The following PCDHGC3 variants were observed in gnomAD, a reference collection of about 807,000 sequenced individuals.
The protein encoded by PCDHGC3 is protocadherin gamma subfamily C, 3, also known as protocadherin gamma-C3.
In PCDHGC3, 26 loss-of-function variants were observed where a neutral mutation model predicts 59.2. That is an observed-to-expected ratio of 0.44 (90% CI 0.32 to 0.61). The LOEUF is 0.61. PCDHGC3 is among the 20% of genes least tolerant of loss of function. The pLI is 0.05. For synonymous variants in PCDHGC3, 487 were observed against 519.7 expected (o/e 0.94, Z 0.86); for missense variants, 1,080 against 1,221.8 (o/e 0.88, Z 1.73).
In PCDHGC3 at chr5:141,511,555, C is replaced by T; in HGVS notation, c.*382C>T. 1 of 305,302 alleles carries T rather than the reference C, an allele frequency of 3.3e-6. No individual in the cohort carries two copies. Among genetic ancestry groups the T allele is most frequent in the South Asian group, 3.6e-5 (1 of 28,078 alleles). 18.9% of individuals were successfully genotyped at this position (305,302 alleles called of 1,614,324 possible). ...CCTCCCCACCCCACTCCAACAGTTC[C>T]TCTTTCCCGAGTAAGGTGGTTGGGG... On this transcript the variant is annotated 3_prime_UTR_variant, in exon 4 of 4. Coordinates refer to ENST00000308177, the MANE Select transcript of PCDHGC3 (RefSeq NM_002588.4).
At chr5:141,484,916 CCTG>C (rs34524370) in intron 1 of PCDHGC3, 64,782 of 456,708 alleles carry the variant, frequency 0.14, 4,878 homozygotes, top group African/African-American at 0.18. Context: ...ACGCATTAAC[CCTG>C]CTGCTGTTGG....
At chr5:141,498,338 G>A (rs2237079) in intron 2 of PCDHGC3, among the ~76,000 whole-genome samples, 68,665 of 151,630 alleles carry the variant, frequency 0.45, 15,766 homozygotes, top group Admixed American at 0.55. Flanking sequence ...CATTCCAAAT[G>A]GGAAAAGCCT....
chr5:141,481,445 T>C (rs760413279), intron 1 of PCDHGC3, among the ~76,000 whole-genome samples: 2 of 152,260 alleles, frequency 1.3e-5, no homozygotes, highest in Non-Finnish European at 2.9e-5. Context: ...GTTTAGTACA[T>C]GTAAATACAC....
Position 141,511,344 on chromosome 5 carries a change from T to G in PCDHGC3, c.*171T>G, listed in dbSNP as rs2099883730. 3 of 1,419,052 alleles carry G rather than the reference T, an allele frequency of 2.1e-6. No homozygotes were observed. Among genetic ancestry groups the G allele is most frequent in the Non-Finnish European group, 2.8e-6 (3 of 1,067,404 alleles). 87.9% of individuals were successfully genotyped at this position (1,419,052 alleles called of 1,614,324 possible). On this transcript the variant is annotated 3_prime_UTR_variant, in exon 4 of 4. Coordinates refer to ENST00000308177, the MANE Select transcript of PCDHGC3 (RefSeq NM_002588.4). The stretch of plus-strand genomic sequence containing the variant: ...CAAGTGCCCAGTCAGCACCTACCCC[T>G]TCCCCCCCAGGGGGTTGAATATGCA...
chr5:141,477,063 A>G lies in PCDHGC3; in HGVS notation c.947A>G (p.Lys316Arg), dbSNP rs2099404387. 6.2e-7 allele frequency: 1 copy of G among 1,614,248 alleles called. No individual in the cohort carries two copies. The change falls in exon 1 of 4, where the codon AAA becomes AGA. Residue 316 changes from lysine (K) to arginine (R), a missense_variant. Coordinates refer to ENST00000308177, the MANE Select transcript of PCDHGC3 (RefSeq NM_002588.4). The surrounding 1 kb of genome is among the most constrained non-coding windows in gnomAD (Gnocchi z 4.9). ...IKGRLDFEDT[K>R]LHEIYIQAKD... Reference sequence around the variant, plus strand: ...GGTCGGCTGGACTTCGAGGACACCAAACTCCATGAGATTTACATCCAGGCC... The same window carrying G: ...GGTCGGCTGGACTTCGAGGACACCAGACTCCATGAGATTTACATCCAGGCC...
intron 2 of PCDHGC3, among the ~76,000 whole-genome samples, chr5:141,495,521 C>G (rs1385879589): frequency 6.6e-6 from 1 of 152,144 alleles, no homozygotes; most frequent in Non-Finnish European, 1.5e-5. Flanking sequence ...TTTCTCTTAC[C>G]TCTCAGTCCT....
Position 141,491,742 on chromosome 5 carries a change from C to CA in PCDHGC3, c.2431-3064dup. The CA allele has an allele frequency of 3.1e-6, 5 of 1,596,114 alleles. No individual in the cohort carries two copies. Among genetic ancestry groups the CA allele is most frequent in the Non-Finnish European group, 4.3e-6 (5 of 1,172,424 alleles). ...CGCCCCGGGCGACCCCTGGGGGCGG[C>CA]ACTGGAGAAGCCGCCCGTCCTCATA... On this transcript the variant is annotated intron_variant, in intron 1 of 3. Coordinates refer to ENST00000308177, the MANE Select transcript of PCDHGC3 (RefSeq NM_002588.4). This position sits in a 1 kb window ranked among gnomAD's most constrained non-coding sequence, Gnocchi z 6.9.
chr5:141,482,661 T>A (rs1215403061), intron 1 of PCDHGC3, among the ~76,000 whole-genome samples: 2 of 151,742 alleles, frequency 1.3e-5, no homozygotes, highest in African/African-American at 4.9e-5. Flanking sequence ...TGAGCTATGA[T>A]CTAAAGGTTG....
intron 1 of PCDHGC3, 143 bp from the exon 2 acceptor site, chr5:141,494,664 A>T: frequency 6.7e-7 from 1 of 1,500,298 alleles, no homozygotes; most frequent in Non-Finnish European, 8.9e-7. Flanking sequence ...GTCTTTGGAG[A>T]TGAGTCCACC....
Position 141,485,931 on chromosome 5 carries a change from A to C in PCDHGC3, c.2430+7385A>C, listed in dbSNP as rs761979804. 3 of 1,614,192 alleles carry C rather than the reference A, an allele frequency of 1.9e-6. No individual in the cohort carries two copies. In the South Asian group the frequency reaches 3.3e-5, roughly 18 times the overall value. On this transcript the variant is annotated intron_variant, in intron 1 of 3. Transcript: ENST00000308177. This position sits in a 1 kb window ranked among gnomAD's most constrained non-coding sequence, Gnocchi z 5.7. Reference sequence around the variant, plus strand: ...TCCAGCTACAGGATTAGTGTGTTGGAGAGCGCACCAGCGGGCATGGTGCTC... The same window carrying C: ...TCCAGCTACAGGATTAGTGTGTTGGCGAGCGCACCAGCGGGCATGGTGCTC...
chr5:141,485,193 G>T lies in PCDHGC3; in HGVS notation c.2430+6647G>T. The T allele has an allele frequency of 6.2e-7, 1 of 1,613,988 alleles. No homozygotes were observed. Among genetic ancestry groups the T allele is most frequent in the Non-Finnish European group, 8.5e-7 (1 of 1,179,852 alleles). The stretch of plus-strand genomic sequence containing the variant: ...GCAGCAATGCTCCGCAAGGTGAGAA[G>T]CTGGACAGAAATCTGGCGGTGGGCT... On this transcript the variant is annotated intron_variant, in intron 1 of 3. Transcript: ENST00000308177. The surrounding 1 kb of genome is among the most constrained non-coding windows in gnomAD (Gnocchi z 5.7).
intron 2 of PCDHGC3, 179 bp downstream of exon 2, chr5:141,495,044 T>C (rs2099758475): frequency 1.1e-6 from 1 of 944,572 alleles, no homozygotes; most frequent in Non-Finnish European, 1.3e-6. Flanking sequence ...AAGAGGCGAC[T>C]GCCCTGACTG....
At chr5:141,505,616 C>T in intron 3 of PCDHGC3, 135 bp downstream of exon 3, 2 of 1,503,162 alleles carry the variant, frequency 1.3e-6, no homozygotes, top group South Asian at 1.3e-5. Flanking sequence ...CTGAAAGGAC[C>T]CACAATTCCA....
chr5:141,505,583 T>A, intron 3 of PCDHGC3, 102 bp downstream of exon 3: 1 of 1,583,650 alleles, frequency 6.3e-7, no homozygotes, highest in Non-Finnish European at 8.6e-7. Context: ...ACCTGTGTAG[T>A]TTCTCCAGAT....
rs769503109 is a variant in PCDHGC3 at position 141,478,177 on chromosome 5, A to G, written c.2061A>G (p.Lys687=). ...FPSGSAPREQ[K]KNLTFYLLLS... ...CTGGCTCTGCCCCCCGGGAGCAGAA[A>G]AAAAATCTCACCTTTTATCTACTTC... Residue 687 remains lysine (K), a synonymous_variant, in exon 1 of 4, where the codon AAA becomes AAG. Coordinates refer to ENST00000308177, the MANE Select transcript of PCDHGC3 (RefSeq NM_002588.4). 6.2e-7 allele frequency: 1 copy of G among 1,613,988 alleles called. No homozygotes were observed. Among genetic ancestry groups the G allele is most frequent in the South Asian group, 1.1e-5 (1 of 91,076 alleles).
chr5:141,503,221 C>T (rs528636727), intron 2 of PCDHGC3, among the ~76,000 whole-genome samples: 34 of 152,074 alleles, frequency 2.2e-4, no homozygotes, highest in Middle Eastern at 6.8e-3. Flanking sequence ...CCATGAGCAC[C>T]GTAAAGATGG....
chr5:141,491,795 C>G lies in PCDHGC3; in HGVS notation c.2431-3012C>G. The G allele has an allele frequency of 6.6e-7, 1 of 1,511,694 alleles. No individual in the cohort carries two copies. The highest frequency in any genetic ancestry group is 8.8e-7 in the Non-Finnish European group (1 of 1,130,430). The allele number at this position is 1,511,694 out of a possible 1,614,324, so 93.6% of individuals were successfully genotyped here. On this transcript the variant is annotated intron_variant, in intron 1 of 3. Transcript: ENST00000308177. The surrounding 1 kb of genome is among the most constrained non-coding windows in gnomAD (Gnocchi z 6.9). ...GGATTGAACTTGCATCCACTCCTCT[C>G]CGGCCGGCTTGGTCGCTGGCTGCGC...
At chr5:141,495,437 C>T (rs2099761356) in intron 2 of PCDHGC3, among the ~76,000 whole-genome samples, 1 of 152,178 alleles carries the variant, frequency 6.6e-6, no homozygotes, top group East Asian at 1.9e-4. Flanking sequence ...GTCCTCTGCC[C>T]CTACTTGTCC....
intron 1 of PCDHGC3, among the ~76,000 whole-genome samples, chr5:141,483,618 C>T (rs1441906179): frequency 6.6e-6 from 1 of 151,536 alleles, no homozygotes; most frequent in Non-Finnish European, 1.5e-5. Flanking sequence ...TCCATCATTC[C>T]CATGGGAGAA....
Sources: gnomAD v4.1 joint callset for allele counts (sites outside exome capture counted in the v4.1 genomes callset) on GRCh38, gnomAD v4.1.1 for gene constraint, Gnocchi (gnomAD v3.1) non-coding constraint, MANE v1.5 for transcripts, NCBI Gene and HGNC (gene_info 2026-07-23, HGNC 2026-07-21) for gene names.